The following RFTN1 variants were observed in gnomAD, a reference collection of about 807,000 sequenced individuals.
The protein encoded by RFTN1 is raftlin.
RFTN1 carries 26 observed loss-of-function variants against 46.5 expected under a neutral mutation model. The observed-to-expected ratio is 0.56, with a 90% CI of 0.41 to 0.78. The LOEUF (loss-of-function observed/expected upper bound fraction) is 0.78, where lower values mean the gene tolerates loss of function less well. Ranked by LOEUF, RFTN1 falls within the 30% of genes least tolerant of loss-of-function variation. RFTN1 has a pLI of 0.00. For synonymous variants in RFTN1, 261 were observed against 284.2 expected, an observed-to-expected ratio of 0.92 and a Z score of 0.82; for missense variants, 693 against 718.7, an observed-to-expected ratio of 0.96 and a Z score of 0.41.
At position 16,433,845 on chromosome 3, in the gene RFTN1, C is replaced by G. The variant is rs780367454; in HGVS notation, c.332+6G>C. 8 of 1,613,986 alleles carry G rather than the reference C, an allele frequency of 5.0e-6. No homozygotes were observed. Among genetic ancestry groups the G allele is most frequent in the Admixed American group, 1.7e-5 (1 of 60,010 alleles). On this transcript the variant is annotated splice_donor_region_variant and intron_variant, in intron 3 of 9. Transcript: ENST00000334133. This position sits in a 1 kb window ranked among gnomAD's most constrained non-coding sequence, Gnocchi z 4.4. ...GATGCTACCCATTCACCCGTGGAGG[C>G]CTTACCTGTCGGTTTTCTTGATCAG...
intron 2 of RFTN1, among the ~76,000 whole-genome samples, chr3:16,488,557 G>A (rs1277213641): frequency 6.6e-6 from 1 of 152,122 alleles, no homozygotes; most frequent in Non-Finnish European, 1.5e-5. Flanking sequence ...AATCTGCTAT[G>A]GTTAAAACCT....
At chr3:16,371,226 G>A (rs1358069785) in intron 5 of RFTN1, among the ~76,000 whole-genome samples, 1 of 152,118 alleles carries the variant, frequency 6.6e-6, no homozygotes, top group Non-Finnish European at 1.5e-5. Context: ...AGAATTTAAA[G>A]GTCATAAACA....
At chr3:16,409,806 T>A (rs1284818522) in intron 3 of RFTN1, among the ~76,000 whole-genome samples, 2 of 150,998 alleles carry the variant, frequency 1.3e-5, no homozygotes, top group Non-Finnish European at 3.0e-5. Flanking sequence ...TGCCTCAGCC[T>A]CCCCAGTAGC....
Position 16,400,198 on chromosome 3 carries a change from T to C in RFTN1, c.441+9177A>G, listed in dbSNP as rs1486850415. Among the ~76,000 whole-genome samples, 2 of 152,142 alleles carry C rather than the reference T, an allele frequency of 1.3e-5. No homozygotes were observed. Among genetic ancestry groups the C allele is most frequent in the African/African-American group, 4.8e-5 (2 of 41,428 alleles). ...ACTCTCCAGCCTCACTCCACCTCAC[T>C]CACCCCTCTGTCATTTGCAGGCAAG... On this transcript the variant is annotated intron_variant, in intron 4 of 9. Transcript: ENST00000334133. This position sits in a 1 kb window ranked among gnomAD's most constrained non-coding sequence, Gnocchi z 4.5.
At chr3:16,420,905 G>A (rs1336255608) in intron 3 of RFTN1, among the ~76,000 whole-genome samples, 1 of 152,206 alleles carries the variant, frequency 6.6e-6, no homozygotes, top group African/African-American at 2.4e-5. Flanking sequence ...GAGAGTCTGT[G>A]TCTCTAAGAG....
In RFTN1 at chr3:16,377,249, T is replaced by A. The variant is rs189049179; in HGVS notation, c.826+469A>T. ...GTGGGTAAGTCCACCTGGGTTCATA[T>A]GCCCGAACTGCCTATTTCCAGACTG... On this transcript the variant is annotated intron_variant, in intron 5 of 9. Coordinates refer to ENST00000334133, the MANE Select transcript of RFTN1 (RefSeq NM_015150.2). Among the ~76,000 whole-genome samples, 18 of 152,200 alleles carry A rather than the reference T, an allele frequency of 1.2e-4. No individual in the cohort carries two copies. In the East Asian group the frequency reaches 3.1e-3, roughly 26 times the overall value.
chr3:16,363,720 TCTC>T (rs953830428), intron 6 of RFTN1, among the ~76,000 whole-genome samples: 1 of 152,152 alleles, frequency 6.6e-6, no homozygotes, highest in African/African-American at 2.4e-5. Flanking sequence ...GTGTTACTGT[TCTC>T]CTTTAAACAA....
rs1469914349 is a variant in RFTN1, at chr3:16,428,731, GA to G, written c.332+5119del. Among the ~76,000 whole-genome samples, 2 of 152,102 alleles carry G rather than the reference GA, an allele frequency of 1.3e-5. No homozygotes were observed. Among genetic ancestry groups the G allele is most frequent in the Non-Finnish European group, 2.9e-5 (2 of 68,022 alleles). ...TGTGTACAACGACAATTCAACAGCT[GA>G]AAAATGGCCAGCACCATGCATTTTT... On this transcript the variant is annotated intron_variant, in intron 3 of 9. Coordinates refer to ENST00000334133, the MANE Select transcript of RFTN1 (RefSeq NM_015150.2). This position sits in a 1 kb window ranked among gnomAD's most constrained non-coding sequence, Gnocchi z 4.7.
intron 8 of RFTN1, among the ~76,000 whole-genome samples, chr3:16,324,621 C>CCCCG (rs957893120): frequency 7.3e-6 from 1 of 136,484 alleles, no homozygotes; most frequent in Non-Finnish European, 1.6e-5. Context: ...TGACCCCCCC[C>CCCCG]CTTTTAAGGT....
chr3:16,505,144 C>A (rs1455690169), intron 1 of RFTN1, among the ~76,000 whole-genome samples: 3 of 152,332 alleles, frequency 2.0e-5, no homozygotes, highest in East Asian at 1.9e-4. Flanking sequence ...CCACATTAAC[C>A]ATTTTACACC....
At chr3:16,491,848 C>T (rs1381769118) in intron 2 of RFTN1, among the ~76,000 whole-genome samples, 4 of 152,012 alleles carry the variant, frequency 2.6e-5, no homozygotes, top group Non-Finnish European at 5.9e-5. Flanking sequence ...TAATACTTAA[C>T]ATCTTGATAT....
chr3:16,495,999 A>G (rs1399132607), intron 1 of RFTN1, among the ~76,000 whole-genome samples: 1 of 152,264 alleles, frequency 6.6e-6, no homozygotes, highest in Non-Finnish European at 1.5e-5. Context: ...GGACACAAAA[A>G]GCTCTAACTA....
chr3:16,489,942 G>A lies in RFTN1; in HGVS notation c.145+3783C>T, dbSNP rs1376879090. On this transcript the variant is annotated intron_variant, in intron 2 of 9. Transcript: ENST00000334133. This position sits in a 1 kb window ranked among gnomAD's most constrained non-coding sequence, Gnocchi z 4.0. ...CAAAATAAAGAAAGAAAAATGAGGT[G>A]AGGACGTAATGTCCTATCACAGGAC... Among the ~76,000 whole-genome samples, 1 of 152,054 alleles carries A rather than the reference G, an allele frequency of 6.6e-6. No homozygotes were observed. The highest frequency in any genetic ancestry group is 6.6e-5 in the Admixed American group (1 of 15,266).
chr3:16,409,229 T>G, intron 4 of RFTN1, 146 bp downstream of exon 4: 1 of 566,902 alleles, frequency 1.8e-6, no homozygotes, highest in Non-Finnish European at 3.2e-6. Context: ...AGGGGGCTGC[T>G]TCCCTGTGGG....
At chr3:16,354,794 TTTTACTA>T (rs2072323840) in intron 7 of RFTN1, among the ~76,000 whole-genome samples, 1 of 152,240 alleles carries the variant, frequency 6.6e-6, no homozygotes, top group African/African-American at 2.4e-5. Context: ...TCTTCCTGCA[TTTTACTA>T]TCAACAGCCA....
intron 1 of RFTN1, among the ~76,000 whole-genome samples, chr3:16,495,591 C>A (rs963803508): frequency 1.6e-4 from 24 of 152,144 alleles, no homozygotes; most frequent in African/African-American, 5.3e-4. Context: ...CTGGACAGAT[C>A]CCAAATTTGA....
chr3:16,470,259 TA>T (rs1386084483), intron 2 of RFTN1, among the ~76,000 whole-genome samples: 1 of 150,888 alleles, frequency 6.6e-6, no homozygotes, highest in Non-Finnish European at 1.5e-5. Context: ...CATACAGACA[TA>T]AAAACAAAAC....
chr3:16,355,056 A>G (rs573207945), intron 7 of RFTN1, among the ~76,000 whole-genome samples: 1 of 152,162 alleles, frequency 6.6e-6, no homozygotes, highest in African/African-American at 2.4e-5. Context: ...CATTCTGATC[A>G]TGACTACTTA....
At chr3:16,369,099 T>C (rs2073378019) in intron 6 of RFTN1, among the ~76,000 whole-genome samples, 1 of 152,274 alleles carries the variant, frequency 6.6e-6, no homozygotes, top group Non-Finnish European at 1.5e-5. Context: ...AAGAGCTGTC[T>C]GTGCTGTATC....
Sources: allele counts gnomAD v4.1 joint callset (sites outside exome capture counted in the v4.1 genomes callset), GRCh38; gene constraint gnomAD v4.1.1; non-coding constraint Gnocchi (gnomAD v3.1); transcripts MANE v1.5; gene names NCBI Gene and HGNC (gene_info 2026-07-23, HGNC 2026-07-21).